Variants in B3GLCT observed in about 807,000 individuals in gnomAD.
B3GLCT encodes beta-1,3-glucosyltransferase.
Under a neutral mutation model 63.4 loss-of-function variants are expected in B3GLCT, and 65 were observed. The ratio of observed to expected loss-of-function variants is 1.03; its 90% CI spans 0.84 to 1.26. The LOEUF (loss-of-function observed/expected upper bound fraction) is 1.26. B3GLCT is among the 50% of genes most tolerant of loss of function. The probability of loss-of-function intolerance (pLI) is 0.00; values close to 1 mark genes in which losing one functional copy is unlikely to be tolerated. For missense variants in B3GLCT, 577 were observed against 604.8 expected, an observed-to-expected ratio of 0.95 and a Z score of 0.48; for synonymous variants, 233 against 219.2, an observed-to-expected ratio of 1.06 and a Z score of -0.55.
At chr13:31,277,039 T>TC (rs1403129826) in intron 10 of B3GLCT, among the ~76,000 whole-genome samples, 5 of 152,158 alleles carry the variant, frequency 3.3e-5, no homozygotes, top group Non-Finnish European at 1.5e-5. Flanking sequence ...AAAAGCTCAG[T>TC]GTGGCAGTCT....
intron 4 of B3GLCT, among the ~76,000 whole-genome samples, chr13:31,232,034 A>G (rs768052188): frequency 6.6e-6 from 1 of 152,186 alleles, no homozygotes; most frequent in Non-Finnish European, 1.5e-5. Flanking sequence ...TAGGCAGCTG[A>G]GCAGGTGTGG....
At chr13:31,265,151 A>C (rs148941141) in intron 7 of B3GLCT, among the ~76,000 whole-genome samples, 1,682 of 152,294 alleles carry the variant, frequency 0.011, 32 homozygotes, top group African/African-American at 0.038. Flanking sequence ...TAATCTCCAG[A>C]CTATTAACAG....
intron 6 of B3GLCT, among the ~76,000 whole-genome samples, chr13:31,256,700 C>A (rs928432657): frequency 6.9e-4 from 105 of 152,280 alleles, no homozygotes; most frequent in African/African-American, 2.4e-3. Context: ...CATGTTCTCA[C>A]TCATAAGTGG....
At chr13:31,286,095 T>G (rs930237985) in intron 11 of B3GLCT, among the ~76,000 whole-genome samples, 1 of 152,360 alleles carries the variant, frequency 6.6e-6, no homozygotes, top group Non-Finnish European at 1.5e-5. Context: ...ATTTGACTAC[T>G]CTTCCCAAGT....
rs1555247683 is a variant in B3GLCT at position 31,240,491 on chromosome 13, T to TA, written c.271-6531dup. Among the ~76,000 whole-genome samples, 83 of 150,330 alleles carry TA rather than the reference T, an allele frequency of 5.5e-4. 1 individual carries two copies. Among genetic ancestry groups the TA allele is most frequent in the South Asian group, 2.5e-3 (12 of 4,756 alleles). The stretch of plus-strand genomic sequence containing the variant: ...AGTTTTTTTTTTCTTTTTTTTTTTT[T>TA]ATATTAAAAACACCTGATTTTCATT... On this transcript the variant is annotated intron_variant, in intron 4 of 14. Coordinates refer to ENST00000343307, the MANE Select transcript of B3GLCT (RefSeq NM_194318.4).
intron 13 of B3GLCT, among the ~76,000 whole-genome samples, chr13:31,322,842 G>C (rs1348812086): frequency 6.6e-6 from 1 of 152,072 alleles, no homozygotes; most frequent in East Asian, 1.9e-4. Flanking sequence ...TCTTTTCCCG[G>C]AGTCAGTAGC....
chr13:31,250,379 G>A (rs1022822879), intron 6 of B3GLCT, among the ~76,000 whole-genome samples: 2 of 152,168 alleles, frequency 1.3e-5, no homozygotes, highest in South Asian at 4.1e-4. Flanking sequence ...TTGCCCTGTT[G>A]GCCAGTCTGG....
chr13:31,247,467 A>AT lies in B3GLCT; in HGVS notation c.347+372dup, dbSNP rs1173687951. Among the ~76,000 whole-genome samples the AT allele has an allele frequency of 1.1e-4, 16 of 151,862 alleles. No individual in the cohort carries two copies. The East Asian group carries it at 1.4e-3, about 13-fold the overall frequency. On this transcript the variant is annotated intron_variant, in intron 5 of 14. Transcript: ENST00000343307. ...TTTTTTTATTTTTAGTATAGATGAGATTTTACCATGTTGGCCAGGATGGCC... is the reference window on the plus strand; with the variant it reads ...TTTTTTTATTTTTAGTATAGATGAGATTTTTACCATGTTGGCCAGGATGGCC...
At chr13:31,302,160 T>C (rs1874252725) in intron 12 of B3GLCT, among the ~76,000 whole-genome samples, 1 of 152,198 alleles carries the variant, frequency 6.6e-6, no homozygotes, top group African/African-American at 2.4e-5. Context: ...AGACCACAAA[T>C]TTGATAAGGC....
intron 10 of B3GLCT, among the ~76,000 whole-genome samples, chr13:31,277,502 A>G (rs1308489568): frequency 6.6e-6 from 1 of 152,044 alleles, no homozygotes; most frequent in Non-Finnish European, 1.5e-5. Context: ...TGCATTTTCT[A>G]ATTTTAGTGC....
chr13:31,273,094 CT>C (rs1566074823), intron 8 of B3GLCT, among the ~76,000 whole-genome samples: 1 of 151,792 alleles, frequency 6.6e-6, no homozygotes. Context: ...TTTTTTCTTT[CT>C]TTGTTTTTCT....
intron 6 of B3GLCT, among the ~76,000 whole-genome samples, chr13:31,257,431 G>A (rs1261934511): frequency 6.6e-6 from 1 of 151,676 alleles, no homozygotes; most frequent in South Asian, 2.1e-4. Context: ...TTGTTACAGG[G>A]TATTCTTCTT....
intron 4 of B3GLCT, among the ~76,000 whole-genome samples, 195 bp from the exon 5 acceptor site, chr13:31,246,828 C>T (rs932889748): frequency 1.3e-5 from 2 of 152,136 alleles, no homozygotes; most frequent in Non-Finnish European, 2.9e-5. Flanking sequence ...ACTTCATTTC[C>T]AGTAGCTCCT....
chr13:31,312,422 A>G lies in B3GLCT; in HGVS notation c.1065-5144A>G, dbSNP rs550704231. The stretch of plus-strand genomic sequence containing the variant: ...TAGAATGAATAAGATAAAGTAAGTA[A>G]ATACATTGGAAAGCAGAAGTCTGTA... On this transcript the variant is annotated intron_variant, in intron 12 of 14. Transcript: ENST00000343307. The G allele has an allele frequency of 1.3e-4, 20 of 152,364 alleles. 1 individual carries two copies. Among genetic ancestry groups the G allele is most frequent in the African/African-American group, 4.8e-4 (20 of 41,586 alleles). The allele number at this position is 152,364 out of a possible 1,614,324, so 9.4% of individuals were successfully genotyped here. A position where few individuals can be genotyped will look rare whatever the true frequency, so the allele number is the denominator to read the frequency against.
At chr13:31,210,485 C>T (rs1347537781) in intron 1 of B3GLCT, among the ~76,000 whole-genome samples, 1 of 152,230 alleles carries the variant, frequency 6.6e-6, no homozygotes, top group East Asian at 1.9e-4. Context: ...TTCCCTCACT[C>T]CTTCTTTTCT....
At chr13:31,206,853 A>G (rs944950107) in intron 1 of B3GLCT, among the ~76,000 whole-genome samples, 2 of 152,294 alleles carry the variant, frequency 1.3e-5, no homozygotes, top group African/African-American at 4.8e-5. Flanking sequence ...TCTTTTGTGT[A>G]CTTGGGAAAG....
chr13:31,238,225 T>TA (rs1270711031), intron 4 of B3GLCT, among the ~76,000 whole-genome samples: 1 of 152,242 alleles, frequency 6.6e-6, no homozygotes, highest in Admixed American at 6.5e-5. Flanking sequence ...AAATGCAGCC[T>TA]TATTAAAAAC....
intron 6 of B3GLCT, among the ~76,000 whole-genome samples, chr13:31,252,048 G>A (rs928741946): frequency 5.9e-5 from 9 of 152,154 alleles, no homozygotes; most frequent in African/African-American, 2.2e-4. Flanking sequence ...CCAGAAGAGA[G>A]TGTGTGCCAA....
At chr13:31,222,880 A>G (rs905778905) in intron 2 of B3GLCT, 72 bp from the exon 3 acceptor site, 1 of 1,001,534 alleles carries the variant, frequency 1.0e-6, no homozygotes, top group Non-Finnish European at 1.6e-6. Context: ...TGCACCATGC[A>G]TGTTTACTCA....
Sources: allele counts gnomAD v4.1 joint callset (sites outside exome capture counted in the v4.1 genomes callset), GRCh38; gene constraint gnomAD v4.1.1; transcripts MANE v1.5; gene names NCBI Gene and HGNC (gene_info 2026-07-23, HGNC 2026-07-21).